SYCE1L: variants seen among roughly 807,000 people sequenced by gnomAD.
SYCE1L encodes the protein synaptonemal complex central element protein 1 like.
SYCE1L carries 51 observed loss-of-function variants against 39.6 expected under a neutral mutation model. The ratio of observed to expected loss-of-function variants is 1.29; its 90% CI spans 1.03 to 1.63. The LOEUF is 1.63. SYCE1L is among the 40% of genes most tolerant of loss of function. SYCE1L has a pLI of 0.00. For missense variants in SYCE1L, 426 were observed against 304.9 expected (o/e 1.40, Z -2.96); for synonymous variants, 147 against 122.4 (o/e 1.20, Z -1.33).
At chr16:77,203,627 T>G (rs951441801) in intron 1 of SYCE1L, among the ~76,000 whole-genome samples, 8 of 150,486 alleles carry the variant, frequency 5.3e-5, no homozygotes, top group African/African-American at 1.5e-4. Flanking sequence ...AGTTTTTTGC[T>G]CTTGTTGCCC....
intron 4 of SYCE1L, among the ~76,000 whole-genome samples, chr16:77,208,885 A>T (rs1183548469): frequency 2.0e-5 from 3 of 151,996 alleles, no homozygotes; most frequent in African/African-American, 7.3e-5. Context: ...CAGGGTCTTC[A>T]CTCCTTCAAC....
At chr16:77,208,110 C>A in intron 2 of SYCE1L, 100 bp from the exon 3 acceptor site, 1 of 1,219,894 alleles carries the variant, frequency 8.2e-7, no homozygotes, top group Non-Finnish European at 1.1e-6. Flanking sequence ...TCAATATATG[C>A]CGGTTAATTG....
At chr16:77,211,067 G>A (rs549380146) in intron 6 of SYCE1L, 146 bp from the exon 7 acceptor site, 31 of 823,850 alleles carry the variant, frequency 3.8e-5, no homozygotes, top group Admixed American at 2.4e-4. Context: ...GAGGTGCTAC[G>A]GGAACCAAAG....
intron 1 of SYCE1L, among the ~76,000 whole-genome samples, chr16:77,203,367 AAAATTAAAATGC>A (rs1477269157): frequency 1.3e-5 from 2 of 152,088 alleles, no homozygotes; most frequent in African/African-American, 2.4e-5. Context: ...ATGTAATTTA[AAAATTAAAATGC>A]AAATTAAAAT....
chr16:77,211,417 C>G, intron 7 of SYCE1L, 141 bp downstream of exon 7: 1 of 984,488 alleles, frequency 1.0e-6, no homozygotes, highest in Non-Finnish European at 1.6e-6. Flanking sequence ...CCCACCTATT[C>G]AGTCCCTCAG....
At chr16:77,212,737 G>T in intron 10 of SYCE1L, 91 bp downstream of exon 10, 1 of 1,437,804 alleles carries the variant, frequency 7.0e-7, no homozygotes, top group Non-Finnish European at 9.1e-7. Context: ...CGAGAGTGGG[G>T]TCTGTGGGGA....
chr16:77,201,371 C>T (rs1222314569), intron 1 of SYCE1L: 1 of 152,126 alleles, frequency 6.6e-6, no homozygotes, highest in Admixed American at 6.5e-5. Flanking sequence ...AAAGTTATGA[C>T]TAACTTCACC....
chr16:77,199,731 T>G, intron 1 of SYCE1L: 1 of 502,688 alleles, frequency 2.0e-6, no homozygotes, highest in South Asian at 3.1e-5. Flanking sequence ...TTGTCAACTG[T>G]AGTGTATACG....
chr16:77,211,840 C>G (rs1396087592), intron 7 of SYCE1L, among the ~76,000 whole-genome samples: 1 of 152,072 alleles, frequency 6.6e-6, no homozygotes, highest in African/African-American at 2.4e-5. Context: ...AAGGAAGGCC[C>G]TGGGGCTGGA....
At position 77,212,310 on chromosome 16, in the gene SYCE1L, G is replaced by A; in HGVS notation, c.522G>A (p.Glu174=). The part of the protein sequence containing the change: ...ERRLVRAKLR[E]VERRLHSPPE... Reference sequence around the variant, plus strand: ...GGCTGGTGCGCGCCAAGCTGCGGGAGGTGGAGCGGCGGCTGCACTCGCCGC... The same window carrying A: ...GGCTGGTGCGCGCCAAGCTGCGGGAAGTGGAGCGGCGGCTGCACTCGCCGC... The change falls in exon 9 of 11, where the codon GAG becomes GAA. Residue 174 remains glutamate, a synonymous_variant. Transcript: ENST00000378644. 1.3e-6 allele frequency: 2 copies of A among 1,526,602 alleles called. No homozygotes were observed. Among genetic ancestry groups the A allele is most frequent in the East Asian group, 2.5e-5 (1 of 40,332 alleles). 94.6% of individuals were successfully genotyped at this position (1,526,602 alleles called of 1,614,324 possible). A position where few individuals can be genotyped will look rare whatever the true frequency, so the allele number is the denominator to read the frequency against.
At chr16:77,209,323 C>T in intron 5 of SYCE1L, 94 bp from the exon 6 acceptor site, 1 of 1,431,142 alleles carries the variant, frequency 7.0e-7, no homozygotes, top group Middle Eastern at 1.8e-4. Context: ...TCACAGTGCC[C>T]TCCAATGCCT....
intron 2 of SYCE1L, 99 bp downstream of exon 2, chr16:77,206,599 T>C (rs1050180539): frequency 3.4e-6 from 4 of 1,173,690 alleles, no homozygotes; most frequent in Non-Finnish European, 4.9e-6. Flanking sequence ...CAGGAAATTA[T>C]CCCATTGCAC....
rs72798552 is a variant in SYCE1L, at chr16:77,206,726, C to T, written c.121+226C>T. On this transcript the variant is annotated intron_variant, in intron 2 of 10. Coordinates refer to ENST00000378644, the MANE Select transcript of SYCE1L (RefSeq NM_001129979.3). ...TCCCCCGCCATCCCTACTCCCTCCC[C>T]CCACACACCAGTCATCTATTTCCCT... Among the ~76,000 whole-genome samples the T allele has an allele frequency of 2.0e-5, 3 of 152,130 alleles. No homozygotes were observed. The East Asian group carries it at 5.8e-4, about 29-fold the overall frequency.
intron 7 of SYCE1L, 112 bp downstream of exon 7, chr16:77,211,388 G>T: frequency 7.8e-7 from 1 of 1,287,678 alleles, no homozygotes; most frequent in South Asian, 1.3e-5. Flanking sequence ...GATAGTCCTT[G>T]ATTCCTTGCT....
At position 77,212,842 on chromosome 16, in the gene SYCE1L, C is replaced by G. The variant is rs2054835508; in HGVS notation, c.655-15C>G. 6.8e-7 allele frequency: 1 copy of G among 1,477,794 alleles called. No individual in the cohort carries two copies. Among genetic ancestry groups the G allele is most frequent in the East Asian group, 2.6e-5 (1 of 38,478 alleles). 91.5% of individuals were successfully genotyped at this position (1,477,794 alleles called of 1,614,324 possible). On this transcript the variant is annotated splice_polypyrimidine_tract_variant and intron_variant, in intron 10 of 10. Coordinates refer to ENST00000378644, the MANE Select transcript of SYCE1L (RefSeq NM_001129979.3). ...CGTAGGAACCTGGTCCGCAGCCTCA[C>G]CCAGCCCCCGGCAGGCCGGACCTGA...
intron 1 of SYCE1L, chr16:77,200,113 C>T (rs1417169359): frequency 2.7e-5 from 4 of 150,650 alleles, no homozygotes; most frequent in Non-Finnish European, 5.9e-5. Context: ...GGGCGGATCA[C>T]GAGGTTAGGA....
At chr16:77,209,611 C>T in intron 6 of SYCE1L, 140 bp downstream of exon 6, 1 of 862,058 alleles carries the variant, frequency 1.2e-6, no homozygotes, top group Non-Finnish European at 1.8e-6. Flanking sequence ...AAAAGATTTC[C>T]TTGGTTATCT....
At chr16:77,212,671 G>A in intron 10 of SYCE1L, 25 bp downstream of exon 10, 1 of 1,524,594 alleles carries the variant, frequency 6.6e-7, no homozygotes, top group South Asian at 1.2e-5. Flanking sequence ...GAAGGGAGGC[G>A]GGGCGGGCAG....
Position 77,212,614 on chromosome 16 carries a change from A to C in SYCE1L, c.622A>C (p.Ser208Arg). 6.5e-7 allele frequency: 1 copy of C among 1,534,884 alleles called. No homozygotes were observed. The highest frequency in any genetic ancestry group is 8.7e-7 in the Non-Finnish European group (1 of 1,146,106). ...GGAGATATTCGGGGAGCAGGTCCGG[A>C]GCGCCCCCGAGGTCGGGGCCGGCGA... ...ELEIFGEQVRSAPEVGAGEGE... is the reference protein window; with the variant it reads ...ELEIFGEQVRRAPEVGAGEGE... Residue 208 changes from serine (S) to arginine (R), a missense_variant, in exon 10 of 11, where the codon AGC (serine) becomes CGC (arginine). Physicochemically the swap from Ser to Arg is moderately radical, Grantham distance 110. Transcript: ENST00000378644.
Sources: gnomAD v4.1 joint callset for allele counts (sites outside exome capture counted in the v4.1 genomes callset) on GRCh38, gnomAD v4.1.1 for gene constraint, MANE v1.5 for transcripts, NCBI Gene and HGNC (gene_info 2026-07-23, HGNC 2026-07-21) for gene names.